The following MPZL1 variants were observed in gnomAD, a reference collection of about 807,000 sequenced individuals.
MPZL1 encodes the protein myelin protein zero-like protein 1.
In MPZL1, 16 loss-of-function variants were observed where a neutral mutation model predicts 29.3. That is an observed-to-expected ratio of 0.55 (90% CI 0.37 to 0.83). MPZL1 has a LOEUF of 0.83. Ranked by LOEUF, MPZL1 falls within the 40% of genes least tolerant of loss-of-function variation. The pLI, the probability that MPZL1 is intolerant of heterozygous loss-of-function variation, is 0.00. For missense variants in MPZL1, 279 were observed against 332.9 expected (o/e 0.84, Z 1.26); for synonymous variants, 143 against 132.0 (o/e 1.08, Z -0.57).
chr1:167,772,405 A>G lies in MPZL1; in HGVS notation c.389A>G (p.Asn130Ser). The change falls in exon 3 of 6, where the codon AAT becomes AGT. Residue 130 changes from asparagine to serine, a missense_variant. By Grantham distance (46) the Asn-to-Ser change is conservative. Transcript: ENST00000359523. ...ATAGAAAATATGCAGTTTATACACA[A>G]TGGCACCTATATCTGTGATGTCAAA... ...INIENMQFIH[N>S]GTYICDVKNP... The G allele has an allele frequency of 1.2e-6, 2 of 1,614,102 alleles. No homozygotes were observed. The highest frequency in any genetic ancestry group is 1.7e-6 in the Non-Finnish European group (2 of 1,179,950).
In MPZL1 at chr1:167,765,592, G is replaced by T; in HGVS notation, c.101G>T (p.Gly34Val). The T allele has an allele frequency of 6.2e-7, 1 of 1,606,620 alleles. No individual in the cohort carries two copies. Among genetic ancestry groups the T allele is most frequent in the South Asian group, 1.1e-5 (1 of 89,378 alleles). ...ATTCCTTTCTCTTCAGTGACAGCTG[G>T]AGTATCAGCCTTGGAAGTATATACG... ...LAAALGLLTA[G>V]VSALEVYTPK... is the part of the protein sequence containing the mutation. Residue 34 changes from glycine to valine, a missense_variant, in exon 2 of 6, where the codon GGA becomes GTA. Coordinates refer to ENST00000359523, the MANE Select transcript of MPZL1 (RefSeq NM_003953.6).
At chr1:167,765,539 A>C (rs747579438) in intron 1 of MPZL1, 44 bp from the exon 2 acceptor site, 1 of 1,530,138 alleles carries the variant, frequency 6.5e-7, no homozygotes. Flanking sequence ...AGTGGTATTC[A>C]TGTTAAGTCC....
intron 1 of MPZL1, among the ~76,000 whole-genome samples, chr1:167,764,680 TAAAG>T (rs1661074910): frequency 6.6e-6 from 1 of 151,996 alleles, no homozygotes; most frequent in Non-Finnish European, 1.5e-5. Context: ...GAGAACTACT[TAAAG>T]AAATAAAAAT....
intron 1 of MPZL1, among the ~76,000 whole-genome samples, chr1:167,759,415 A>G (rs2101775617): frequency 6.6e-6 from 1 of 152,346 alleles, no homozygotes; most frequent in Admixed American, 6.5e-5. Flanking sequence ...GACAAAGCAA[A>G]TCATTCCCAA....
At chr1:167,744,019 T>G (rs1660591882) in intron 1 of MPZL1, among the ~76,000 whole-genome samples, 1 of 152,112 alleles carries the variant, frequency 6.6e-6, no homozygotes, top group African/African-American at 2.4e-5. Flanking sequence ...CTTTTCCCTA[T>G]TCATTATTAT....
At chr1:167,778,717 A>C (rs1661425832) in intron 5 of MPZL1, among the ~76,000 whole-genome samples, 1 of 152,108 alleles carries the variant, frequency 6.6e-6, no homozygotes, top group African/African-American at 2.4e-5. Context: ...AAACTTAAAG[A>C]TGTAAAGGAA....
chr1:167,772,577 T>G (rs925962880), intron 3 of MPZL1, 89 bp downstream of exon 3: 2 of 1,249,440 alleles, frequency 1.6e-6, no homozygotes, highest in African/African-American at 3.0e-5. Flanking sequence ...CATGGTGGGT[T>G]TGGAGGGAGG....
chr1:167,722,069 C>T lies in MPZL1; in HGVS notation c.-83C>T. 1 of 1,230,610 alleles carries T rather than the reference C, an allele frequency of 8.1e-7. No homozygotes were observed. The allele number at this position is 1,230,610 out of a possible 1,614,324, so 76.2% of individuals were successfully genotyped here. ...CGCGGGTGGCGGAGAGATCAGAAGCCTCTTCCCCAAGCCGAGCCAACCTCA... is the reference window on the plus strand; with the variant it reads ...CGCGGGTGGCGGAGAGATCAGAAGCTTCTTCCCCAAGCCGAGCCAACCTCA... On this transcript the variant is annotated 5_prime_UTR_variant, in exon 1 of 6. Coordinates refer to ENST00000359523, the MANE Select transcript of MPZL1 (RefSeq NM_003953.6).
chr1:167,753,421 A>G (rs1256717635), intron 1 of MPZL1, among the ~76,000 whole-genome samples: 2 of 152,264 alleles, frequency 1.3e-5, no homozygotes, highest in Non-Finnish European at 2.9e-5. Context: ...ATTGTCATGG[A>G]CAAATCAGCA....
At chr1:167,731,475 C>T (rs1316199373) in intron 1 of MPZL1, among the ~76,000 whole-genome samples, 9 of 135,858 alleles carry the variant, frequency 6.6e-5, no homozygotes, top group Non-Finnish European at 1.2e-4. Flanking sequence ...CTTGCTCTGT[C>T]GCCCAGGCTG....
Position 167,791,225 on chromosome 1 carries a change from A to G in MPZL1, c.*3304A>G, listed in dbSNP as rs1351704828. 1.3e-5 allele frequency: 2 copies of G among 152,198 alleles called. No homozygotes were observed. The highest frequency in any genetic ancestry group is 4.8e-5 in the African/African-American group (2 of 41,424). The allele number at this position is 152,198 out of a possible 1,614,324, so 9.4% of individuals were successfully genotyped here. On this transcript the variant is annotated 3_prime_UTR_variant, in exon 6 of 6. Transcript: ENST00000359523. ...AGACCAGAACCTTGCTGTTTTGTTC[A>G]CTGCTCCGTCTGCAGTAAAGGGAAC...
chr1:167,734,126 G>A, intron 1 of MPZL1, among the ~76,000 whole-genome samples: 1 of 151,618 alleles, frequency 6.6e-6, no homozygotes, highest in Non-Finnish European at 1.5e-5. Context: ...CATGGTGGTG[G>A]GCACCTGTAG....
intron 5 of MPZL1, among the ~76,000 whole-genome samples, chr1:167,784,966 T>G (rs968535262): frequency 2.0e-5 from 3 of 152,242 alleles, no homozygotes; most frequent in African/African-American, 7.2e-5. Context: ...AAGACCTCAT[T>G]GATATTTTAA....
chr1:167,785,636 A>G (rs945658547), intron 5 of MPZL1, among the ~76,000 whole-genome samples: 5 of 152,204 alleles, frequency 3.3e-5, no homozygotes, highest in African/African-American at 1.2e-4. Context: ...TCTCCCATGA[A>G]CATACCCTAA....
At chr1:167,746,224 G>A (rs528075660) in intron 1 of MPZL1, among the ~76,000 whole-genome samples, 1 of 152,108 alleles carries the variant, frequency 6.6e-6, no homozygotes, top group Admixed American at 6.6e-5. Context: ...CTGAGAGATA[G>A]CATATACAGC....
At chr1:167,784,807 A>T (rs1240758469) in intron 5 of MPZL1, among the ~76,000 whole-genome samples, 1 of 152,178 alleles carries the variant, frequency 6.6e-6, no homozygotes, top group Non-Finnish European at 1.5e-5. Context: ...TCTAAGGGGG[A>T]AGAGGAATGA....
chr1:167,750,620 G>A (rs538763796), intron 1 of MPZL1, among the ~76,000 whole-genome samples: 16 of 152,154 alleles, frequency 1.1e-4, no homozygotes, highest in Non-Finnish European at 2.1e-4. Flanking sequence ...TAAAAATGCC[G>A]TTCCTTTATT....
At chr1:167,753,650 GAGTC>G (rs1274461870) in intron 1 of MPZL1, among the ~76,000 whole-genome samples, 1 of 151,056 alleles carries the variant, frequency 6.6e-6, no homozygotes, top group Non-Finnish European at 1.5e-5. Flanking sequence ...TTTTGAGACG[GAGTC>G]TCGCTCTGTC....
intron 1 of MPZL1, among the ~76,000 whole-genome samples, chr1:167,740,558 C>G (rs1369446408): frequency 6.6e-6 from 1 of 152,188 alleles, no homozygotes; most frequent in East Asian, 1.9e-4. Context: ...GGTCTTTTCT[C>G]CCTCCCTGAC....
Sources: allele counts gnomAD v4.1 joint callset (sites outside exome capture counted in the v4.1 genomes callset), GRCh38; gene constraint gnomAD v4.1.1; transcripts MANE v1.5; gene names NCBI Gene and HGNC (gene_info 2026-07-23, HGNC 2026-07-21).